SS18: variants seen among roughly 807,000 people sequenced by gnomAD.
The protein encoded by SS18 is protein SSXT.
In SS18, 28 loss-of-function variants were observed where a neutral mutation model predicts 72.5. That is an observed-to-expected ratio of 0.39 (90% CI 0.29 to 0.53). SS18 has a LOEUF of 0.53. SS18 is among the 20% of genes least tolerant of loss of function. The pLI is 0.76. For synonymous variants in SS18, 172 were observed against 164.2 expected (o/e 1.05, Z -0.37); for missense variants, 518 against 535.3 (o/e 0.97, Z 0.32).
intron 4 of SS18, among the ~76,000 whole-genome samples, chr18:26,057,084 C>T (rs2054034608): frequency 6.6e-6 from 1 of 152,044 alleles, no homozygotes; most frequent in Admixed American, 6.6e-5. Flanking sequence ...ATGCTATAAA[C>T]CTATGTATTA....
upstream of SS18, chr18:26,090,740 G>A: frequency 1.5e-6 from 1 of 662,758 alleles, no homozygotes; most frequent in Non-Finnish European, 2.6e-6. Context: ...ACTCTGGCCA[G>A]GGATGTCTCG....
chr18:26,020,256 T>A (rs536837236), intron 10 of SS18, among the ~76,000 whole-genome samples: 1 of 152,280 alleles, frequency 6.6e-6, no homozygotes, highest in East Asian at 1.9e-4. Context: ...AACATATATA[T>A]CTCTGGATCA....
intron 2 of SS18, among the ~76,000 whole-genome samples, chr18:26,083,089 GAGAA>G (rs2054555643): frequency 6.6e-6 from 1 of 152,084 alleles, no homozygotes; most frequent in Admixed American, 6.6e-5. Context: ...CTGACAACTT[GAGAA>G]AGAAAGAATA....
chr18:26,080,501 C>A, intron 2 of SS18: 4 of 357,632 alleles, frequency 1.1e-5, no homozygotes, highest in Non-Finnish European at 1.6e-5. Context: ...ATCTAATCTG[C>A]CACACTCTTA....
intron 5 of SS18, among the ~76,000 whole-genome samples, chr18:26,047,362 G>C (rs113073981): frequency 0.014 from 2,185 of 151,468 alleles, 59 homozygotes; most frequent in African/African-American, 0.05. Flanking sequence ...ATCTTCTCAG[G>C]CCTTTTAATA....
intron 10 of SS18, among the ~76,000 whole-genome samples, chr18:26,029,044 G>A (rs2053500080): frequency 1.3e-5 from 2 of 152,188 alleles, no homozygotes; most frequent in South Asian, 4.1e-4. Context: ...TGACATTTAA[G>A]CAGAGATTTT....
intron 10 of SS18, among the ~76,000 whole-genome samples, chr18:26,028,565 AT>A (rs1371393984): frequency 6.6e-6 from 1 of 152,236 alleles, no homozygotes; most frequent in Non-Finnish European, 1.5e-5. Flanking sequence ...ACAAATAGCC[AT>A]ATAATGGAAC....
At chr18:26,063,073 C>T (rs2054152059) in intron 3 of SS18, among the ~76,000 whole-genome samples, 1 of 152,176 alleles carries the variant, frequency 6.6e-6, no homozygotes, top group Non-Finnish European at 1.5e-5. Context: ...ACATTGTTCT[C>T]AAGTACTCAA....
At chr18:26,085,140 A>C (rs1057034730) in intron 2 of SS18, among the ~76,000 whole-genome samples, 1 of 152,230 alleles carries the variant, frequency 6.6e-6, no homozygotes, top group Non-Finnish European at 1.5e-5. Flanking sequence ...TCTTTGTACT[A>C]TCTTTGAAAC....
chr18:26,083,574 T>C (rs1470471813), intron 2 of SS18, among the ~76,000 whole-genome samples: 1 of 152,164 alleles, frequency 6.6e-6, no homozygotes, highest in African/African-American at 2.4e-5. Context: ...AGCCTTTTAC[T>C]ATACTGAATA....
rs1445112580 is a variant in SS18, at chr18:26,039,334, T to A, written c.730A>T (p.Met244Leu). 6.2e-7 allele frequency: 1 copy of A among 1,613,974 alleles called. No homozygotes were observed. Reference sequence around the variant, plus strand: ...GGAGGAATCTGTCTCTGACCCATCATATGATTGCCTTGGTTAACTTGACCC... The same window carrying A: ...GGAGGAATCTGTCTCTGACCCATCAAATGATTGCCTTGGTTAACTTGACCC... ...MMGQVNQGNH[M>L]MGQRQIPPYR... Residue 244 changes from methionine (M) to leucine (L), a missense_variant, in exon 6 of 11, where the codon ATG becomes TTG. By Grantham distance (15) the Met-to-Leu change is conservative. Coordinates refer to ENST00000415083, the MANE Select transcript of SS18 (RefSeq NM_001007559.3).
intron 3 of SS18, among the ~76,000 whole-genome samples, chr18:26,066,058 T>C (rs1358721211): frequency 1.3e-5 from 2 of 151,926 alleles, no homozygotes; most frequent in African/African-American, 2.4e-5. Flanking sequence ...ACCAGAATTA[T>C]AAGGTCCCCA....
intron 10 of SS18, among the ~76,000 whole-genome samples, chr18:26,021,222 C>T (rs988089979): frequency 1.3e-5 from 2 of 152,214 alleles, no homozygotes; most frequent in Non-Finnish European, 2.9e-5. Context: ...CTAGTGCTAA[C>T]GTCACCACTT....
intron 4 of SS18, 60 bp from the exon 5 acceptor site, chr18:26,052,905 G>A: frequency 7.0e-7 from 1 of 1,429,770 alleles, no homozygotes; most frequent in South Asian, 1.2e-5. Flanking sequence ...CCATACAAAA[G>A]TACCTGGAAA....
intron 4 of SS18, among the ~76,000 whole-genome samples, chr18:26,055,760 T>G (rs559358355): frequency 3.8e-4 from 55 of 146,060 alleles, no homozygotes; most frequent in African/African-American, 1.0e-3. Context: ...TGTTTTTTTT[T>G]TTTTTGTTTT....
rs568927067 is a variant in SS18, at chr18:26,051,892, A to G, written c.607+732T>C. ...AACTTCTTTTATCTGGGTACATTTT[A>G]GTGCTCTGTTTATTTTATAAATCAA... On this transcript the variant is annotated intron_variant, in intron 5 of 10. Coordinates refer to ENST00000415083, the MANE Select transcript of SS18 (RefSeq NM_001007559.3). Among the ~76,000 whole-genome samples the G allele has an allele frequency of 1.2e-4, 19 of 152,330 alleles. No individual in the cohort carries two copies. The East Asian group carries it at 2.9e-3, about 23-fold the overall frequency.
chr18:26,074,944 AG>A (rs1235110568), intron 3 of SS18, among the ~76,000 whole-genome samples: 1 of 151,954 alleles, frequency 6.6e-6, no homozygotes, highest in Non-Finnish European at 1.5e-5. Flanking sequence ...TAGGAAAATA[AG>A]ATTATTTCAA....
chr18:26,090,950 A>T, upstream of SS18: 1 of 281,674 alleles, frequency 3.6e-6, no homozygotes, highest in East Asian at 8.6e-5. Context: ...CCCCTGTCAC[A>T]GGAAATGCGA....
At chr18:26,060,087 T>G (rs1400753252) in intron 3 of SS18, among the ~76,000 whole-genome samples, 1 of 152,122 alleles carries the variant, frequency 6.6e-6, no homozygotes, top group African/African-American at 2.4e-5. Context: ...CACGCAAAAT[T>G]TCTACACAAA....
Sources: gnomAD v4.1 joint callset for allele counts (sites outside exome capture counted in the v4.1 genomes callset) on GRCh38, gnomAD v4.1.1 for gene constraint, MANE v1.5 for transcripts, NCBI Gene and HGNC (gene_info 2026-07-23, HGNC 2026-07-21) for gene names.